MGAT4C: variants seen among roughly 807,000 people sequenced by gnomAD.
MGAT4C encodes the protein MGAT4 family member C.
A neutral mutation model predicts 40.1 loss-of-function variants in MGAT4C; 19 were observed. The observed-to-expected ratio is 0.47, with a 90% CI of 0.33 to 0.70. MGAT4C has a LOEUF of 0.70. MGAT4C is among the 30% of genes least tolerant of loss of function. MGAT4C has a pLI of 0.02. For missense variants in MGAT4C, 491 were observed against 563.2 expected (o/e 0.87, Z 1.30); for synonymous variants, 181 against 187.1 (o/e 0.97, Z 0.27).
At chr12:86,214,670 T>C (rs1311497113) in intron 1 of MGAT4C, among the ~76,000 whole-genome samples, 1 of 152,184 alleles carries the variant, frequency 6.6e-6, no homozygotes, top group Non-Finnish European at 1.5e-5. Context: ...AGCACACTAA[T>C]TTCATTCTTA....
chr12:86,793,494 T>C (rs1952061322), intron 1 of MGAT4C, among the ~76,000 whole-genome samples: 1 of 152,062 alleles, frequency 6.6e-6, no homozygotes, highest in Non-Finnish European at 1.5e-5. Flanking sequence ...GATACTAAAA[T>C]GAATGAACAT....
chr12:86,491,011 G>A lies in MGAT4C; in HGVS notation c.-228-55746C>T, dbSNP rs1392601027. Among the ~76,000 whole-genome samples the A allele has an allele frequency of 1.3e-5, 2 of 152,090 alleles. 1 individual carries two copies. Among genetic ancestry groups the A allele is most frequent in the South Asian group, 4.1e-4 (2 of 4,824 alleles). Reference sequence around the variant, plus strand: ...CAACATTAGACAGATCAACGAGACAGAAAGTTAACAAGGATACCCAGGAAT... The same window carrying A: ...CAACATTAGACAGATCAACGAGACAAAAAGTTAACAAGGATACCCAGGAAT... On this transcript the variant is annotated intron_variant, in intron 2 of 7. Coordinates refer to the MGAT4C transcript ENST00000548651.
chr12:86,603,443 T>G (rs1294833206), intron 2 of MGAT4C, among the ~76,000 whole-genome samples: 1 of 119,916 alleles, frequency 8.3e-6, no homozygotes, highest in Non-Finnish European at 1.6e-5. Context: ...ATACTATATA[T>G]AGTCTATAGA....
At chr12:86,504,205 A>G (rs1958429628) in intron 2 of MGAT4C, among the ~76,000 whole-genome samples, 1 of 152,076 alleles carries the variant, frequency 6.6e-6, no homozygotes, top group Admixed American at 6.6e-5. Context: ...TCAGTTTCAT[A>G]TATTATTGGT....
intron 2 of MGAT4C, among the ~76,000 whole-genome samples, chr12:86,451,232 C>T (rs2136287182): frequency 6.6e-6 from 1 of 152,154 alleles, no homozygotes; most frequent in East Asian, 1.9e-4. Context: ...TGTAGCACCT[C>T]CCCTCTTGCT....
At chr12:86,708,720 G>A (rs762220521) in intron 2 of MGAT4C, among the ~76,000 whole-genome samples, 1 of 152,272 alleles carries the variant, frequency 6.6e-6, no homozygotes. Context: ...GGAGTCAAAG[G>A]AGATCATTTT....
intron 1 of MGAT4C, among the ~76,000 whole-genome samples, chr12:86,157,035 TC>T (rs1373298158): frequency 6.6e-6 from 1 of 151,988 alleles, no homozygotes. Context: ...CTGTATAATC[TC>T]ACCCTAAAGA....
intron 2 of MGAT4C, among the ~76,000 whole-genome samples, chr12:86,612,254 C>T (rs1962307158): frequency 6.6e-6 from 1 of 151,868 alleles, no homozygotes; most frequent in South Asian, 2.1e-4. Context: ...TGAATGATCC[C>T]CATATACTTA....
intron 2 of MGAT4C, among the ~76,000 whole-genome samples, chr12:86,548,949 C>T (rs1264284941): frequency 3.3e-5 from 5 of 152,110 alleles, no homozygotes; most frequent in African/African-American, 1.2e-4. Context: ...TGTAACCTGG[C>T]TCTACTGCTA....
chr12:86,816,393 A>G (rs886991477), intron 1 of MGAT4C, among the ~76,000 whole-genome samples: 4 of 151,870 alleles, frequency 2.6e-5, no homozygotes, highest in Admixed American at 6.6e-5. Context: ...CTGAGAAAAC[A>G]TATATTTTAT....
At chr12:86,659,394 A>T (rs1001604978) in intron 2 of MGAT4C, among the ~76,000 whole-genome samples, 2 of 152,006 alleles carry the variant, frequency 1.3e-5, no homozygotes, top group African/African-American at 4.8e-5. Context: ...ACTTCAATTA[A>T]TTTTTTTAGC....
At chr12:86,736,585 C>G (rs980203782) in intron 1 of MGAT4C, among the ~76,000 whole-genome samples, 1 of 151,644 alleles carries the variant, frequency 6.6e-6, no homozygotes, top group Non-Finnish European at 1.5e-5. Context: ...GAGGGAAAAC[C>G]AAACACCCAG....
intron 3 of MGAT4C, among the ~76,000 whole-genome samples, chr12:86,355,730 T>C (rs1290933570): frequency 6.6e-6 from 1 of 152,168 alleles, no homozygotes; most frequent in Non-Finnish European, 1.5e-5. Flanking sequence ...TTTTTGTCAT[T>C]ACACCTGCTT....
intron 2 of MGAT4C, among the ~76,000 whole-genome samples, chr12:86,518,636 A>C (rs922210423): frequency 6.6e-6 from 1 of 152,216 alleles, no homozygotes; most frequent in Non-Finnish European, 1.5e-5. Flanking sequence ...AGCTTTTAGA[A>C]AGTTTAACAT....
chr12:86,572,280 G>A (rs1225024593), intron 2 of MGAT4C, among the ~76,000 whole-genome samples: 1 of 152,052 alleles, frequency 6.6e-6, no homozygotes, highest in Non-Finnish European at 1.5e-5. Context: ...GGCAGTGTCT[G>A]CTCAGAAAAT....
intron 2 of MGAT4C, among the ~76,000 whole-genome samples, chr12:86,619,402 A>G (rs1469189693): frequency 2.0e-5 from 3 of 152,072 alleles, no homozygotes; most frequent in Non-Finnish European, 4.4e-5. Context: ...TACTGTGGGT[A>G]TATCTCATAC....
At chr12:86,549,338 C>T (rs1268489685) in intron 2 of MGAT4C, among the ~76,000 whole-genome samples, 1 of 152,092 alleles carries the variant, frequency 6.6e-6, no homozygotes, top group Non-Finnish European at 1.5e-5. Context: ...AATGTTTCAT[C>T]AGAAAGATTC....
At chr12:86,470,553 T>C (rs556497881) in intron 2 of MGAT4C, among the ~76,000 whole-genome samples, 1 of 152,294 alleles carries the variant, frequency 6.6e-6, no homozygotes, top group East Asian at 1.9e-4. Flanking sequence ...TTGCAGCTTA[T>C]TTGCTTTTTT....
rs2136658376 is a variant in MGAT4C at position 85,970,719 on chromosome 12, G to A, written c.*8570C>T. Reference sequence around the variant, plus strand: ...AATTCAGATATTATTTTGCTTTGAAGTCAAATAGAGGAACCTTAAATAATT... The same window carrying A: ...AATTCAGATATTATTTTGCTTTGAAATCAAATAGAGGAACCTTAAATAATT... On this transcript the variant is annotated 3_prime_UTR_variant, in exon 5 of 5. Transcript: ENST00000611864. 1 of 151,312 alleles carries A rather than the reference G, an allele frequency of 6.6e-6. No individual in the cohort carries two copies. The highest frequency in any genetic ancestry group is 2.4e-5 in the African/African-American group (1 of 41,444). 9.4% of individuals were successfully genotyped at this position (151,312 alleles called of 1,614,324 possible). A position where few individuals can be genotyped will look rare whatever the true frequency, so the allele number is the denominator to read the frequency against.
Sources: allele counts gnomAD v4.1 joint callset (sites outside exome capture counted in the v4.1 genomes callset), GRCh38; gene constraint gnomAD v4.1.1; transcripts MANE v1.5; gene names NCBI Gene and HGNC (gene_info 2026-07-23, HGNC 2026-07-21).